The following MEGF11 variants were observed in gnomAD, a reference collection of about 807,000 sequenced individuals.
MEGF11 encodes the protein multiple EGF like domains 11.
A neutral mutation model predicts 146.6 loss-of-function variants in MEGF11; 126 were observed. That is an observed-to-expected ratio of 0.86 (90% CI 0.74 to 1.00). The LOEUF is 1.00. MEGF11 is among the 50% of genes least tolerant of loss of function. The pLI is 0.00. For synonymous variants in MEGF11, 532 were observed against 583.4 expected, an observed-to-expected ratio of 0.91 and a Z score of 1.27; for missense variants, 1,509 against 1,521.2, an observed-to-expected ratio of 0.99 and a Z score of 0.13.
intron 4 of MEGF11, among the ~76,000 whole-genome samples, chr15:66,095,342 GA>G (rs2086497386): frequency 6.6e-6 from 1 of 152,230 alleles, no homozygotes; most frequent in African/African-American, 2.4e-5. Flanking sequence ...AAGGATTACA[GA>G]AAGCCCCCAT....
intron 5 of MEGF11, among the ~76,000 whole-genome samples, chr15:66,054,577 T>C (rs920464852): frequency 1.3e-5 from 2 of 152,214 alleles, no homozygotes; most frequent in African/African-American, 4.8e-5. Flanking sequence ...ATTTCCTCCA[T>C]TGGCCTGGGC....
intron 1 of MEGF11, among the ~76,000 whole-genome samples, chr15:66,168,256 T>G (rs1228154860): frequency 1.3e-5 from 2 of 151,920 alleles, no homozygotes; most frequent in East Asian, 3.9e-4. Flanking sequence ...CCTGGAATGT[T>G]TTTGCCTTAA....
chr15:66,055,695 C>A (rs2084645924), intron 5 of MEGF11, among the ~76,000 whole-genome samples: 1 of 152,172 alleles, frequency 6.6e-6, no homozygotes, highest in Admixed American at 6.5e-5. Flanking sequence ...GATTCAAGAA[C>A]CAAGTAAATG....
intron 8 of MEGF11, among the ~76,000 whole-genome samples, chr15:65,968,088 T>A (rs2081173720): frequency 6.9e-6 from 1 of 145,916 alleles, no homozygotes; most frequent in Admixed American, 6.8e-5. Context: ...TGAGGCCTCA[T>A]GAAGGGAAAG....
At position 65,898,051 on chromosome 15, in the gene MEGF11, G is replaced by A. The variant is rs1425815616; in HGVS notation, c.3306C>T (p.Ser1102=). 2 of 1,613,962 alleles carry A rather than the reference G, an allele frequency of 1.2e-6. No homozygotes were observed. The highest frequency in any genetic ancestry group is 2.2e-5 in the East Asian group (1 of 44,886). The change falls in exon 26 of 26, where the codon TCC becomes TCT. Residue 1102 remains serine (S), a synonymous_variant. Coordinates refer to ENST00000395614, the MANE Select transcript of MEGF11 (RefSeq NM_001385028.1). ...SVVQEGCGHN[S]SYIQNAYDLP... is the part of the protein sequence containing the mutation. ...GGTCGTATGCATTCTGGATATAGCTGGAGTTATGACCGCAACCTTCTTGGA... is the reference window on the plus strand; with the variant it reads ...GGTCGTATGCATTCTGGATATAGCTAGAGTTATGACCGCAACCTTCTTGGA...
chr15:66,247,368 A>T (rs1352020855), intron 1 of MEGF11, among the ~76,000 whole-genome samples: 1 of 152,308 alleles, frequency 6.6e-6, no homozygotes, highest in Non-Finnish European at 1.5e-5. Flanking sequence ...AAGTATAATT[A>T]TGGTGCTAAT....
chr15:65,961,589 T>A (rs747107282), intron 9 of MEGF11, among the ~76,000 whole-genome samples: 28 of 152,186 alleles, frequency 1.8e-4, no homozygotes, highest in Non-Finnish European at 3.4e-4. Flanking sequence ...TCTTTGTGTG[T>A]GCTGCAAATA....
chr15:66,033,226 A>G (rs2083600794), intron 5 of MEGF11, among the ~76,000 whole-genome samples: 1 of 152,176 alleles, frequency 6.6e-6, no homozygotes, highest in South Asian at 2.1e-4. Flanking sequence ...ATTACCATAC[A>G]CAGAAGACAC....
rs764049024 is a variant in MEGF11, at chr15:65,922,837, G to C, written c.1808C>G (p.Pro603Arg). The C allele has an allele frequency of 5.0e-6, 8 of 1,613,732 alleles. No homozygotes were observed. The highest frequency in any genetic ancestry group is 1.7e-5 in the Admixed American group (1 of 59,972). ...SCECAPGFRG[P>R]LCQRICPPGF... ...ATTAGCCTTACTTCTCTGGCATAAG[G>C]GTCCTCGGAAGCCAGGGGCACACTC... is the stretch of plus-strand genomic sequence containing the variant. The change falls in exon 14 of 26, where the codon CCC becomes CGC. Residue 603 changes from proline to arginine, a missense_variant. By Grantham distance (103) the Pro-to-Arg change is moderately radical (BLOSUM62 -2). Coordinates refer to ENST00000395614, the MANE Select transcript of MEGF11 (RefSeq NM_001385028.1).
rs1282649311 is a variant in MEGF11 at position 65,897,767 on chromosome 15, A to T, written c.*167T>A. 3 of 603,752 alleles carry T rather than the reference A, an allele frequency of 5.0e-6. No individual in the cohort carries two copies. The highest frequency in any genetic ancestry group is 3.0e-5 in the East Asian group (1 of 32,962). 37.4% of individuals were successfully genotyped at this position (603,752 alleles called of 1,614,324 possible). A position where few individuals can be genotyped will look rare whatever the true frequency, so the allele number is the denominator to read the frequency against. ...TTGCCTTTGAGAACACAATTCCTTG[A>T]ACAATTATCCCAGTCCCACCTGGAC... On this transcript the variant is annotated 3_prime_UTR_variant, in exon 26 of 26. Transcript: ENST00000395614.
At chr15:66,164,114 C>T (rs1167333716) in intron 1 of MEGF11, among the ~76,000 whole-genome samples, 2 of 152,084 alleles carry the variant, frequency 1.3e-5, no homozygotes, top group Non-Finnish European at 2.9e-5. Flanking sequence ...GGGTGGAGGT[C>T]CATTGTGGCC....
intron 10 of MEGF11, among the ~76,000 whole-genome samples, chr15:65,945,970 C>T (rs1309967426): frequency 6.6e-6 from 1 of 152,222 alleles, no homozygotes; most frequent in African/African-American, 2.4e-5. Context: ...GTGTTAACCT[C>T]TCTGTGTCTT....
rs550994090 is a variant in MEGF11, at chr15:66,161,822, A to C, written c.-8-33411T>G. Among the ~76,000 whole-genome samples the C allele has an allele frequency of 1.1e-3, 174 of 152,290 alleles. 1 individual carries two copies. The highest frequency in any genetic ancestry group is 3.7e-3 in the African/African-American group (155 of 41,552). On this transcript the variant is annotated intron_variant, in intron 1 of 25. Coordinates refer to ENST00000395614, the MANE Select transcript of MEGF11 (RefSeq NM_001385028.1). Reference sequence around the variant, plus strand: ...GCCAACCATGGTTCTGGGAAAACAGAAGTGCCCTCACGGAGCAGCAAGCCA... The same window carrying C: ...GCCAACCATGGTTCTGGGAAAACAGCAGTGCCCTCACGGAGCAGCAAGCCA...
At chr15:66,218,333 G>A (rs773595121) in intron 1 of MEGF11, among the ~76,000 whole-genome samples, 1 of 152,128 alleles carries the variant, frequency 6.6e-6, no homozygotes. Flanking sequence ...ATCCCCAAAC[G>A]CTGCCAACAC....
intron 1 of MEGF11, among the ~76,000 whole-genome samples, chr15:66,251,453 G>A (rs1316084899): frequency 6.6e-6 from 1 of 152,188 alleles, no homozygotes; most frequent in African/African-American, 2.4e-5. Flanking sequence ...AGCCCTGTGT[G>A]CGGGCTCCAT....
At chr15:66,117,598 A>G (rs1368218592) in intron 4 of MEGF11, among the ~76,000 whole-genome samples, 2 of 152,156 alleles carry the variant, frequency 1.3e-5, no homozygotes, top group East Asian at 3.8e-4. Flanking sequence ...CCCTGAGTCC[A>G]TCACTGGGCC....
At chr15:66,011,095 G>T (rs1273776528) in intron 5 of MEGF11, among the ~76,000 whole-genome samples, 1 of 152,200 alleles carries the variant, frequency 6.6e-6, no homozygotes, top group African/African-American at 2.4e-5. Flanking sequence ...AGCTGGTATA[G>T]AAATGCCAGG....
intron 1 of MEGF11, among the ~76,000 whole-genome samples, chr15:66,157,305 G>T (rs575017952): frequency 1.2e-4 from 19 of 152,204 alleles, no homozygotes; most frequent in Non-Finnish European, 2.1e-4. Flanking sequence ...ACAGCTAGCA[G>T]GGTGCTATTC....
chr15:65,976,287 C>T (rs1026682877), intron 7 of MEGF11, among the ~76,000 whole-genome samples: 18 of 152,202 alleles, frequency 1.2e-4, no homozygotes, highest in African/African-American at 4.1e-4. Flanking sequence ...GTGATCCACC[C>T]GCCTCGGCCT....
Sources: gnomAD v4.1 joint callset for allele counts (sites outside exome capture counted in the v4.1 genomes callset) on GRCh38, gnomAD v4.1.1 for gene constraint, MANE v1.5 for transcripts, NCBI Gene and HGNC (gene_info 2026-07-23, HGNC 2026-07-21) for gene names.